Variants in TNFAIP8 observed in about 807,000 individuals in gnomAD.
The protein encoded by TNFAIP8 is tumor necrosis factor alpha-induced protein 8.
In TNFAIP8, 7 loss-of-function variants were observed where a neutral mutation model predicts 13.3. That is an observed-to-expected ratio of 0.52 (90% CI 0.30 to 0.99). The LOEUF (loss-of-function observed/expected upper bound fraction) is 0.99. Ranked by LOEUF, TNFAIP8 falls within the 50% of genes least tolerant of loss-of-function variation. The probability of loss-of-function intolerance (pLI) is 0.07; values close to 1 mark genes in which losing one functional copy is unlikely to be tolerated. For missense variants in TNFAIP8, 258 were observed against 236.9 expected (o/e 1.09, Z -0.58); for synonymous variants, 94 against 87.6 (o/e 1.07, Z -0.41).
At chr5:119,341,020 C>G (rs761386590) in intron 1 of TNFAIP8, among the ~76,000 whole-genome samples, 2 of 150,896 alleles carry the variant, frequency 1.3e-5, no homozygotes, top group African/African-American at 4.9e-5. Context: ...TGTTATAAAG[C>G]GGTTTCAAAG....
intron 1 of TNFAIP8, among the ~76,000 whole-genome samples, chr5:119,283,797 A>G (rs748028878): frequency 6.6e-6 from 1 of 152,194 alleles, no homozygotes. Flanking sequence ...TCAGGTCACA[A>G]TTGAAGCAGT....
chr5:119,356,951 G>A (rs2112776784), intron 1 of TNFAIP8, among the ~76,000 whole-genome samples: 1 of 152,256 alleles, frequency 6.6e-6, no homozygotes, highest in Middle Eastern at 3.4e-3. Context: ...AGTAAGAGAG[G>A]AGACTATTCA....
chr5:119,339,324 G>A lies in TNFAIP8; in HGVS notation c.2-53492G>A, dbSNP rs532592655. Among the ~76,000 whole-genome samples, 13 of 152,202 alleles carry A rather than the reference G, an allele frequency of 8.5e-5. No individual in the cohort carries two copies. The South Asian group carries it at 1.9e-3, about 22-fold the overall frequency. ...GCTTAGGCTTGGGTTGCCTAAACTC[G>A]TCACTCTGTGGCAAGGGGGTATGGG... On this transcript the variant is annotated intron_variant, in intron 1 of 1. Transcript: ENST00000274456.
At chr5:119,283,534 T>G (rs1042030402) in intron 1 of TNFAIP8, among the ~76,000 whole-genome samples, 1 of 152,152 alleles carries the variant, frequency 6.6e-6, no homozygotes, top group South Asian at 2.1e-4. Context: ...GGTGATCTCT[T>G]ATTGCAGGTA....
intron 1 of TNFAIP8, among the ~76,000 whole-genome samples, chr5:119,323,820 C>T (rs1035221976): frequency 2.0e-5 from 3 of 152,130 alleles, no homozygotes; most frequent in South Asian, 4.1e-4. Context: ...CAGTAAAACT[C>T]CTTCAATTTG....
upstream of TNFAIP8, chr5:119,355,984 C>T (rs199824439): frequency 2.6e-6 from 4 of 1,512,330 alleles, no homozygotes; most frequent in South Asian, 1.2e-5. Context: ...TAGTGGCTTT[C>T]TTCCTTTTAT....
intron 1 of TNFAIP8, among the ~76,000 whole-genome samples, chr5:119,293,709 G>C (rs1450385654): frequency 2.0e-5 from 3 of 152,094 alleles, no homozygotes; most frequent in African/African-American, 7.2e-5. Flanking sequence ...AGGCTATGGG[G>C]AAAAATGGTA....
Position 119,334,392 on chromosome 5 carries a change from C to T in TNFAIP8, c.2-58424C>T, listed in dbSNP as rs770523976. Among the ~76,000 whole-genome samples, 104 of 151,836 alleles carry T rather than the reference C, an allele frequency of 6.8e-4. 1 individual carries two copies. Among genetic ancestry groups the T allele is most frequent in the Non-Finnish European group, 2.2e-4 (15 of 67,982 alleles). ...TAGGTTTACTTAAAATTGTTCTGCT[C>T]AACAGATTTTTTGGAGCTTAAATTT... is the stretch of plus-strand genomic sequence containing the variant. On this transcript the variant is annotated intron_variant, in intron 1 of 1. Transcript: ENST00000274456.
intron 1 of TNFAIP8, among the ~76,000 whole-genome samples, chr5:119,342,071 G>A (rs1206300093): frequency 3.9e-5 from 6 of 152,138 alleles, no homozygotes; most frequent in Admixed American, 2.6e-4. Flanking sequence ...AAAGAGATGA[G>A]TGAATTCTTT....
At chr5:119,359,033 G>C (rs888775883) in intron 1 of TNFAIP8, among the ~76,000 whole-genome samples, 1 of 152,104 alleles carries the variant, frequency 6.6e-6, no homozygotes, top group South Asian at 2.1e-4. Flanking sequence ...GAAAACAGTA[G>C]CCATTAGATA....
intron 1 of TNFAIP8, among the ~76,000 whole-genome samples, chr5:119,286,402 A>G (rs1748778311): frequency 6.6e-6 from 1 of 152,174 alleles, no homozygotes; most frequent in African/African-American, 2.4e-5. Context: ...TGGGTGGATC[A>G]CGAGGTCAGG....
At chr5:119,296,032 A>T (rs1257550186) in intron 1 of TNFAIP8, among the ~76,000 whole-genome samples, 2 of 150,168 alleles carry the variant, frequency 1.3e-5, no homozygotes, top group Non-Finnish European at 3.0e-5. Context: ...TTGGGCTGAG[A>T]CAATGGGGTT....
chr5:119,269,734 G>C (rs1350538628), intron 1 of TNFAIP8, among the ~76,000 whole-genome samples: 1 of 152,194 alleles, frequency 6.6e-6, no homozygotes, highest in Non-Finnish European at 1.5e-5. Context: ...AGTGCCCAGT[G>C]TTGAAACAAG....
At chr5:119,376,887 C>T (rs111340133) in intron 1 of TNFAIP8, among the ~76,000 whole-genome samples, 36 of 152,260 alleles carry the variant, frequency 2.4e-4, no homozygotes, top group African/African-American at 8.2e-4. Flanking sequence ...GCTCAAATGT[C>T]GCCTTTTCGG....
chr5:119,390,268 A>G (rs566886472), intron 1 of TNFAIP8, among the ~76,000 whole-genome samples: 1 of 152,262 alleles, frequency 6.6e-6, no homozygotes, highest in Admixed American at 6.5e-5. Flanking sequence ...TTATCTGCTG[A>G]GTAGCTGAAA....
At chr5:119,364,176 G>C (rs1751741865) in intron 1 of TNFAIP8, among the ~76,000 whole-genome samples, 1 of 152,132 alleles carries the variant, frequency 6.6e-6, no homozygotes, top group South Asian at 2.1e-4. Context: ...CACCTGATTG[G>C]TTCGTCTGCT....
chr5:119,288,329 G>C (rs1393197908), intron 1 of TNFAIP8, among the ~76,000 whole-genome samples: 1 of 152,158 alleles, frequency 6.6e-6, no homozygotes, highest in Non-Finnish European at 1.5e-5. Flanking sequence ...GAGAGAAATG[G>C]AGAGTGTGAA....
At chr5:119,272,563 A>G (rs1206160961) in intron 1 of TNFAIP8, among the ~76,000 whole-genome samples, 1 of 152,276 alleles carries the variant, frequency 6.6e-6, no homozygotes, top group African/African-American at 2.4e-5. Flanking sequence ...ATCTGTTTCA[A>G]ATAACCAGTG....
intron 1 of TNFAIP8, among the ~76,000 whole-genome samples, chr5:119,336,945 T>C (rs1562006258): frequency 6.6e-6 from 1 of 152,238 alleles, no homozygotes; most frequent in Non-Finnish European, 1.5e-5. Context: ...AGCCTTTTTT[T>C]CCCCTTCTAT....
Sources: allele counts gnomAD v4.1 joint callset (sites outside exome capture counted in the v4.1 genomes callset), GRCh38; gene constraint gnomAD v4.1.1; transcripts MANE v1.5; gene names NCBI Gene and HGNC (gene_info 2026-07-23, HGNC 2026-07-21).